CLDN10: variants seen among roughly 807,000 people sequenced by gnomAD.
CLDN10 encodes claudin-10.
A neutral mutation model predicts 22.9 loss-of-function variants in CLDN10; 15 were observed. That is an observed-to-expected ratio of 0.65 (90% CI 0.44 to 1.01). The LOEUF is 1.01. CLDN10 is among the 50% of genes least tolerant of loss of function. The pLI is 0.00. For missense variants in CLDN10, 247 were observed against 287.8 expected (o/e 0.86, Z 1.03); for synonymous variants, 114 against 111.4 (o/e 1.02, Z -0.15).
chr13:95,532,100 G>A (rs1462995258), intron 1 of CLDN10, among the ~76,000 whole-genome samples: 1 of 152,102 alleles, frequency 6.6e-6, no homozygotes, highest in Non-Finnish European at 1.5e-5. Context: ...CTTGGGGGTA[G>A]GCAAAGGTTT....
chr13:95,440,565 A>G (rs1297596451), intron 1 of CLDN10, among the ~76,000 whole-genome samples: 3 of 152,194 alleles, frequency 2.0e-5, no homozygotes, highest in Non-Finnish European at 4.4e-5. Flanking sequence ...AGTTCCAACT[A>G]CTTGGGAGGC....
At chr13:95,475,727 G>A (rs954335660) in intron 1 of CLDN10, among the ~76,000 whole-genome samples, 1 of 152,108 alleles carries the variant, frequency 6.6e-6, no homozygotes, top group African/African-American at 2.4e-5. Flanking sequence ...CCAGCCTGGG[G>A]TCTATCCTCA....
rs1281781961 is a variant in CLDN10 at position 95,578,612 on chromosome 13, T to TCATGGCCATATCCACATGCC, written c.*607_*626dup. On this transcript the variant is annotated 3_prime_UTR_variant, in exon 5 of 5. Coordinates refer to ENST00000299339, the MANE Select transcript of CLDN10 (RefSeq NM_006984.5). ...CAGGATCAGAGAGGATCTTGCTCAT[T>TCATGGCCATATCCACATGCC]CATGGCCATATCCACATGCCCATGG... 6.6e-6 allele frequency: 1 copy of TCATGGCCATATCCACATGCC among 152,244 alleles called. No individual in the cohort carries two copies. Among genetic ancestry groups the TCATGGCCATATCCACATGCC allele is most frequent in the African/African-American group, 2.4e-5 (1 of 41,442 alleles). The allele number at this position is 152,244 out of a possible 1,614,324, so 9.4% of individuals were successfully genotyped here. A position where few individuals can be genotyped will look rare whatever the true frequency, so the allele number is the denominator to read the frequency against.
intron 1 of CLDN10, among the ~76,000 whole-genome samples, chr13:95,477,287 G>C (rs113343515): frequency 0.027 from 4,183 of 152,236 alleles, 196 homozygotes; most frequent in African/African-American, 0.095. Flanking sequence ...GCTAGCTCAG[G>C]ACTGGCTAGT....
intron 1 of CLDN10, among the ~76,000 whole-genome samples, chr13:95,496,112 T>C (rs1045546850): frequency 6.6e-6 from 1 of 152,216 alleles, no homozygotes; most frequent in South Asian, 2.1e-4. Flanking sequence ...CCTTTGCCCT[T>C]TCTCAGGCTG....
intron 1 of CLDN10, among the ~76,000 whole-genome samples, chr13:95,546,738 T>C (rs899156464): frequency 3.9e-5 from 6 of 152,170 alleles, no homozygotes; most frequent in African/African-American, 1.4e-4. Context: ...TAGACTGTAT[T>C]GCTTCCCACT....
chr13:95,473,837 G>A (rs1026635938), intron 1 of CLDN10, among the ~76,000 whole-genome samples: 12 of 152,226 alleles, frequency 7.9e-5, no homozygotes, highest in Non-Finnish European at 1.2e-4. Flanking sequence ...CTGCCGCCAG[G>A]CTGTTAAGCT....
rs1387822294 is a variant in CLDN10, at chr13:95,453,378, T to C, written c.214+19331T>C. ...CACCAGTCTCAAACTCCATTAGCCT[T>C]ACCTCTAAATAAACAAGCACAGAGG... is the stretch of plus-strand genomic sequence containing the variant. On this transcript the variant is annotated intron_variant, in intron 1 of 4. Transcript: ENST00000376873. 2.0e-5 allele frequency among the ~76,000 whole-genome samples: 3 copies of C among 152,158 alleles called. No individual in the cohort carries two copies. In the East Asian group the frequency reaches 5.8e-4, roughly 29 times the overall value.
At chr13:95,569,256 G>A (rs555725390) in intron 3 of CLDN10, among the ~76,000 whole-genome samples, 112 of 152,268 alleles carry the variant, frequency 7.4e-4, no homozygotes, top group African/African-American at 2.6e-3. Context: ...TGGCTCTCAA[G>A]TAGAAGGCAC....
chr13:95,535,321 A>C (rs1039011157), intron 1 of CLDN10, among the ~76,000 whole-genome samples: 2 of 152,104 alleles, frequency 1.3e-5, no homozygotes, highest in African/African-American at 2.4e-5. Flanking sequence ...GGGCAGGAAG[A>C]CCAGTCAGGC....
chr13:95,517,015 CT>C (rs1178134617), intron 1 of CLDN10, among the ~76,000 whole-genome samples: 21 of 146,328 alleles, frequency 1.4e-4, no homozygotes, highest in African/African-American at 4.1e-4. Context: ...TCCTTCCTTC[CT>C]TCCTTCCTCC....
chr13:95,512,690 C>A (rs1027095743), intron 1 of CLDN10, among the ~76,000 whole-genome samples: 2 of 152,168 alleles, frequency 1.3e-5, no homozygotes, highest in East Asian at 3.8e-4. Flanking sequence ...ACCTCCACCA[C>A]GCTGGCCATG....
chr13:95,447,864 G>A (rs141858785), intron 1 of CLDN10, among the ~76,000 whole-genome samples: 2 of 152,218 alleles, frequency 1.3e-5, no homozygotes, highest in East Asian at 1.9e-4. Context: ...GACAGCAGGT[G>A]TGGAGCCCGA....
At position 95,495,600 on chromosome 13, in the gene CLDN10, C is replaced by T. The variant is rs184472908; in HGVS notation, c.214+61553C>T. On this transcript the variant is annotated intron_variant, in intron 1 of 4. Transcript: ENST00000376873. ...TCTACTAAAAATATAAAAATTTAGC[C>T]GGGCATAGTGGCGCGCGCCTGTAAT... Among the ~76,000 whole-genome samples the T allele has an allele frequency of 3.2e-3, 482 of 151,292 alleles. 2 individuals are homozygous for T. Among genetic ancestry groups the T allele is most frequent in the African/African-American group, 0.01 (432 of 41,390 alleles).
intron 1 of CLDN10, among the ~76,000 whole-genome samples, chr13:95,511,992 C>G (rs1306364495): frequency 2.3e-5 from 3 of 132,154 alleles, no homozygotes; most frequent in Non-Finnish European, 3.3e-5. Context: ...AATGCTATCC[C>G]CCCCCTCTCC....
intron 1 of CLDN10, among the ~76,000 whole-genome samples, chr13:95,527,940 A>G (rs1406639163): frequency 6.6e-6 from 1 of 152,188 alleles, no homozygotes; most frequent in Non-Finnish European, 1.5e-5. Flanking sequence ...ATGCTGAACC[A>G]TTGACCACTA....
intron 3 of CLDN10, among the ~76,000 whole-genome samples, chr13:95,567,748 G>A (rs1407702766): frequency 1.3e-5 from 2 of 152,138 alleles, no homozygotes; most frequent in African/African-American, 4.8e-5. Flanking sequence ...TATGATATTG[G>A]CTGTGGGTTT....
intron 1 of CLDN10, among the ~76,000 whole-genome samples, chr13:95,463,061 T>C (rs1013014570): frequency 1.6e-4 from 25 of 151,974 alleles, no homozygotes; most frequent in Admixed American, 5.9e-4. Flanking sequence ...TGTAAATCCT[T>C]GTCGACAGGG....
chr13:95,556,798 C>G (rs1432438683), intron 1 of CLDN10, among the ~76,000 whole-genome samples: 4 of 152,250 alleles, frequency 2.6e-5, no homozygotes, highest in African/African-American at 4.8e-5. Flanking sequence ...CTAAATCCAT[C>G]AACTAGCACA....
Sources: allele counts gnomAD v4.1 joint callset (sites outside exome capture counted in the v4.1 genomes callset), GRCh38; gene constraint gnomAD v4.1.1; transcripts MANE v1.5; gene names NCBI Gene and HGNC (gene_info 2026-07-23, HGNC 2026-07-21).